The following RIMS2 variants were observed in gnomAD, a reference collection of about 807,000 sequenced individuals.
RIMS2 encodes the protein regulating synaptic membrane exocytosis 2, also known as regulating synaptic membrane exocytosis protein 2.
Under a neutral mutation model 174.4 loss-of-function variants are expected in RIMS2, and 59 were observed. The observed-to-expected ratio is 0.34, with a 90% confidence interval of 0.27 to 0.42. The LOEUF is 0.42. RIMS2 is among the 10% of genes least tolerant of loss of function. The pLI, the probability that RIMS2 is intolerant of heterozygous loss-of-function variation, is 1.00. For synonymous variants in RIMS2, 606 were observed against 572.5 expected, an observed-to-expected ratio of 1.06 and a Z score of -0.84; for missense variants, 1,620 against 1,666.3, an observed-to-expected ratio of 0.97 and a Z score of 0.48.
intron 17 of RIMS2, chr8:103,998,245 T>C: frequency 6.2e-7 from 1 of 1,607,092 alleles, no homozygotes; most frequent in South Asian, 1.1e-5. Context: ...ATCACAGGGA[T>C]GGCAGGTATA....
rs538641595 is a variant in RIMS2 at position 103,735,160 on chromosome 8, G to A, written c.388-31067G>A. ...CACTGCTCTGTTAGTGATGAAAGCTGCTTTGCTTTCTCCTCAAAGAGCCTT... is the reference window on the plus strand; with the variant it reads ...CACTGCTCTGTTAGTGATGAAAGCTACTTTGCTTTCTCCTCAAAGAGCCTT... On this transcript the variant is annotated intron_variant, in intron 2 of 23. Coordinates refer to ENST00000504942, the Ensembl canonical transcript of RIMS2. Among the ~76,000 whole-genome samples the A allele has an allele frequency of 4.6e-5, 7 of 152,246 alleles. No individual in the cohort carries two copies. The South Asian group carries it at 1.4e-3, about 32-fold the overall frequency.
At chr8:104,023,207 T>G (rs1184354878) in intron 19 of RIMS2, among the ~76,000 whole-genome samples, 1 of 152,174 alleles carries the variant, frequency 6.6e-6, no homozygotes. Flanking sequence ...GTGACTCATA[T>G]ATGAACTTAC....
intron 1 of RIMS2, among the ~76,000 whole-genome samples, chr8:103,584,540 T>C (rs1232326954): frequency 6.6e-6 from 1 of 152,134 alleles, no homozygotes; most frequent in Non-Finnish European, 1.5e-5. Context: ...TTTTAAGATA[T>C]AGTCAGTACA....
intron 1 of RIMS2, among the ~76,000 whole-genome samples, chr8:103,589,842 C>T (rs1028102598): frequency 6.6e-6 from 1 of 151,320 alleles, no homozygotes; most frequent in Non-Finnish European, 1.5e-5. Flanking sequence ...GAAAGAGAAA[C>T]ATCATGTATT....
chr8:103,961,273 CT>C (rs1176650988), intron 15 of RIMS2, 140 bp downstream of exon 17: 2 of 582,144 alleles, frequency 3.4e-6, no homozygotes, highest in Non-Finnish European at 6.1e-6. Context: ...CCTATGACAA[CT>C]TAAACCCCTG....
chr8:103,648,388 C>T (rs1387055855), intron 1 of RIMS2, among the ~76,000 whole-genome samples: 1 of 150,780 alleles, frequency 6.6e-6, no homozygotes, highest in African/African-American at 2.4e-5. Context: ...AAATTAAGTG[C>T]CATGTGGTGA....
chr8:103,936,831 C>T (rs2081355984), intron 13 of RIMS2, 109 bp downstream of exon 15: 2 of 833,530 alleles, frequency 2.4e-6, no homozygotes, highest in Non-Finnish European at 3.6e-6. Flanking sequence ...CATGGTGGCT[C>T]ATGCCTGTAA....
chr8:104,162,574 AG>A (rs2098769803), intron 19 of RIMS2, among the ~76,000 whole-genome samples: 1 of 152,144 alleles, frequency 6.6e-6, no homozygotes, highest in Admixed American at 6.6e-5. Flanking sequence ...TATTGCTAAC[AG>A]TGTATTTTTA....
intron 1 of RIMS2, among the ~76,000 whole-genome samples, chr8:103,626,625 G>A (rs755029627): frequency 1.6e-4 from 25 of 152,038 alleles, no homozygotes; most frequent in East Asian, 3.8e-4. Flanking sequence ...GATGTCTATC[G>A]GGGGAACCAG....
intron 2 of RIMS2, among the ~76,000 whole-genome samples, chr8:103,745,588 T>C (rs1055645220): frequency 6.6e-6 from 1 of 152,218 alleles, no homozygotes; most frequent in Admixed American, 6.5e-5. Context: ...CCACCAACAA[T>C]GTACAAGAGT....
At chr8:103,886,275 T>C in intron 4 of RIMS2, 52 bp downstream of exon 7, 1 of 1,452,972 alleles carries the variant, frequency 6.9e-7, no homozygotes, top group Non-Finnish European at 9.2e-7. Flanking sequence ...AAGCGTTTTT[T>C]TTAATAGATT....
chr8:103,876,865 TATA>T (rs1437810293), intron 3 of RIMS2, among the ~76,000 whole-genome samples: 19 of 19,532 alleles, frequency 9.7e-4, no homozygotes, highest in Non-Finnish European at 2.7e-3. Flanking sequence ...CACACTATTT[TATA>T]TATATATATA....
intron 1 of RIMS2, 35 bp downstream of exon 2, chr8:103,652,272 C>A (rs763316842): frequency 7.0e-6 from 9 of 1,282,434 alleles, no homozygotes; most frequent in Admixed American, 1.9e-5. Context: ...GTAGGCTTGA[C>A]TTCTGTACTT....
intron 19 of RIMS2, among the ~76,000 whole-genome samples, chr8:104,136,656 A>G (rs567929489): frequency 2.6e-5 from 4 of 152,186 alleles, no homozygotes; most frequent in African/African-American, 9.6e-5. Context: ...AGGGACATGG[A>G]TAGAGCTGGA....
In RIMS2 at chr8:104,199,238, T is replaced by A. The variant is rs2099041818; in HGVS notation, c.3335-45678T>A. Among the ~76,000 whole-genome samples the A allele has an allele frequency of 3.3e-5, 5 of 151,760 alleles. No homozygotes were observed. The South Asian group carries it at 1.0e-3, about 32-fold the overall frequency. ...CACCACGCCCGGCTAATTTTTTGTA[T>A]TTTTTAATAGAGACGGGGTTTCACA... On this transcript the variant is annotated intron_variant, in intron 19 of 23. Coordinates refer to ENST00000504942, the Ensembl canonical transcript of RIMS2.
intron 2 of RIMS2, among the ~76,000 whole-genome samples, chr8:103,719,985 A>G (rs2097425789): frequency 6.6e-6 from 1 of 152,158 alleles, no homozygotes; most frequent in Admixed American, 6.5e-5. Flanking sequence ...GTATCTCTTG[A>G]GACAACACTA....
intron 3 of RIMS2, among the ~76,000 whole-genome samples, chr8:103,842,346 A>G (rs1008549798): frequency 6.6e-5 from 10 of 152,188 alleles, no homozygotes; most frequent in African/African-American, 2.4e-4. Flanking sequence ...AAACTGTAGC[A>G]AAATGTTAAC....
chr8:103,727,233 T>G (rs1416529484), intron 2 of RIMS2, among the ~76,000 whole-genome samples: 2 of 152,108 alleles, frequency 1.3e-5, no homozygotes, highest in Non-Finnish European at 2.9e-5. Context: ...CTGAAAATAA[T>G]AATAGTTTAC....
At chr8:103,767,335 G>A (rs1412180085) in intron 3 of RIMS2, among the ~76,000 whole-genome samples, 6 of 151,802 alleles carry the variant, frequency 4.0e-5, no homozygotes, top group Admixed American at 6.6e-5. Context: ...CTACAAGTGT[G>A]CACCACCATG....
Sources: allele counts gnomAD v4.1 joint callset (sites outside exome capture counted in the v4.1 genomes callset), GRCh38; gene constraint gnomAD v4.1.1; transcripts MANE v1.5; gene names NCBI Gene and HGNC (gene_info 2026-07-23, HGNC 2026-07-21).